RORA: variants seen among roughly 807,000 people sequenced by gnomAD.
RORA encodes the protein RAR related orphan receptor A, also known as nuclear receptor ROR-alpha.
In RORA, 7 loss-of-function variants were observed where a neutral mutation model predicts 69.5. The ratio of observed to expected loss-of-function variants is 0.10; its 90% CI spans 0.06 to 0.19. RORA has a LOEUF of 0.19. Among genes scored for constraint, RORA ranks in the 10% least tolerant of loss-of-function variants. The pLI, the probability that RORA is intolerant of heterozygous loss-of-function variation, is 1.00. For synonymous variants in RORA, 261 were observed against 240.8 expected (o/e 1.08, Z -0.78); for missense variants, 457 against 663.0 (o/e 0.69, Z 3.41).
intron 1 of RORA, among the ~76,000 whole-genome samples, chr15:60,766,755 T>C (rs1180728859): frequency 2.6e-5 from 4 of 152,170 alleles, no homozygotes; most frequent in African/African-American, 9.7e-5. Flanking sequence ...TTCCTGGGCT[T>C]GTGCTATGGC....
At chr15:60,720,465 C>T (rs2071279830) in intron 1 of RORA, among the ~76,000 whole-genome samples, 5 of 152,350 alleles carry the variant, frequency 3.3e-5, no homozygotes, top group Middle Eastern at 3.4e-3. Context: ...CACCTTTTAT[C>T]AAGGGTACAT....
At chr15:60,830,957 G>C (rs1195568621) in intron 1 of RORA, among the ~76,000 whole-genome samples, 3 of 152,194 alleles carry the variant, frequency 2.0e-5, no homozygotes, top group Admixed American at 6.5e-5. Context: ...GTGTGTGTGT[G>C]TATGTGTGTG....
At chr15:61,002,927 C>T (rs1370139125) in intron 1 of RORA, among the ~76,000 whole-genome samples, 9 of 147,226 alleles carry the variant, frequency 6.1e-5, no homozygotes, top group African/African-American at 1.0e-4. Context: ...GTCAGGAGTT[C>T]GAGACCATCT....
intron 1 of RORA, among the ~76,000 whole-genome samples, chr15:61,183,356 G>T (rs2079706620): frequency 6.6e-6 from 1 of 152,156 alleles, no homozygotes; most frequent in Non-Finnish European, 1.5e-5. Context: ...CCAACATGGT[G>T]AAACCCCATC....
chr15:60,706,291 G>C (rs1268563812), intron 1 of RORA: 1 of 152,164 alleles, frequency 6.6e-6, no homozygotes, highest in Admixed American at 6.5e-5. Flanking sequence ...GATTGCTTCA[G>C]TTTCCCATTT....
intron 1 of RORA, among the ~76,000 whole-genome samples, chr15:60,782,182 G>A (rs35699087): frequency 0.11 from 16,739 of 152,048 alleles, 1,343 homozygotes; most frequent in East Asian, 0.41. Flanking sequence ...CTGAGATCGC[G>A]CCACTGCACT....
At chr15:61,111,288 G>T (rs2079004104) in intron 1 of RORA, among the ~76,000 whole-genome samples, 1 of 152,202 alleles carries the variant, frequency 6.6e-6, no homozygotes, top group Admixed American at 6.5e-5. Flanking sequence ...TTTGTCTTCT[G>T]TTGAGACAGA....
chr15:60,853,080 C>A lies in RORA; in HGVS notation c.167-174394G>T, dbSNP rs1194993932. Among the ~76,000 whole-genome samples, 4 of 152,168 alleles carry A rather than the reference C, an allele frequency of 2.6e-5. No individual in the cohort carries two copies. The East Asian group carries it at 7.7e-4, about 29-fold the overall frequency. On this transcript the variant is annotated intron_variant, in intron 1 of 10. Coordinates refer to ENST00000335670, the MANE Select transcript of RORA (RefSeq NM_134261.3). ...CTTTATAACGAGAGCCAGCCAGACA[C>A]AATCTCTCTGCTCAGAGTTCAGGGC...
At chr15:60,884,906 G>C (rs1016897281) in intron 1 of RORA, among the ~76,000 whole-genome samples, 1 of 152,290 alleles carries the variant, frequency 6.6e-6, no homozygotes, top group South Asian at 2.1e-4. Flanking sequence ...AAGGATGATT[G>C]GGAATCCAGG....
chr15:60,691,295 G>C lies in RORA; in HGVS notation c.167-12609C>G, dbSNP rs78340662. 1.6e-3 allele frequency among the ~76,000 whole-genome samples: 244 copies of C among 152,224 alleles called. 3 individuals are homozygous for C. In the East Asian group the frequency reaches 0.04, roughly 25 times the overall value. On this transcript the variant is annotated intron_variant, in intron 1 of 10. Coordinates refer to ENST00000335670, the MANE Select transcript of RORA (RefSeq NM_134261.3). ...TGCTTTACTTTGTATCTTCACAATAGTTCCCTCCTCCTGACATTCTATGAT... is the reference window on the plus strand; with the variant it reads ...TGCTTTACTTTGTATCTTCACAATACTTCCCTCCTCCTGACATTCTATGAT...
intron 1 of RORA, among the ~76,000 whole-genome samples, chr15:60,984,562 G>A (rs1220950747): frequency 1.3e-5 from 2 of 152,030 alleles, no homozygotes; most frequent in Non-Finnish European, 2.9e-5. Flanking sequence ...CACAATATAG[G>A]AGGTAACATA....
chr15:61,149,009 C>T (rs1487543731), intron 1 of RORA, among the ~76,000 whole-genome samples: 1 of 152,188 alleles, frequency 6.6e-6, no homozygotes, highest in Non-Finnish European at 1.5e-5. Flanking sequence ...ACAATGTGCT[C>T]GGTCTTCTTG....
In RORA at chr15:60,905,202, T is replaced by C. The variant is rs181218804; in HGVS notation, c.167-226516A>G. Among the ~76,000 whole-genome samples the C allele has an allele frequency of 6.6e-5, 10 of 152,370 alleles. No individual in the cohort carries two copies. In the East Asian group the frequency reaches 1.5e-3, roughly 23 times the overall value. ...GCAGTCTTAGCCCTGTTATCATCTCTGATCTTGACCATTTCCCTTAGCCAC... is the reference window on the plus strand; with the variant it reads ...GCAGTCTTAGCCCTGTTATCATCTCCGATCTTGACCATTTCCCTTAGCCAC... On this transcript the variant is annotated intron_variant, in intron 1 of 10. Transcript: ENST00000335670. This position sits in a 1 kb window ranked among gnomAD's most constrained non-coding sequence, Gnocchi z 4.8.
At position 60,493,638 on chromosome 15, in the gene RORA, A is replaced by AGTTT. The variant is rs538040342; in HGVS notation, c.*3813_*3816dup. On this transcript the variant is annotated 3_prime_UTR_variant, in exon 11 of 11. Transcript: ENST00000335670. ...AAATTCCATCAAGAAAATAATACAA[A>AGTTT]GTTTGTTTGTTTGTATTTTTTTTTT... 15 of 152,052 alleles carry AGTTT rather than the reference A, an allele frequency of 9.9e-5. No homozygotes were observed. The highest frequency in any genetic ancestry group is 1.3e-4 in the Admixed American group (2 of 15,280). The allele number at this position is 152,052 out of a possible 1,614,324, so 9.4% of individuals were successfully genotyped here. A position where few individuals can be genotyped will look rare whatever the true frequency, so the allele number is the denominator to read the frequency against.
intron 1 of RORA, among the ~76,000 whole-genome samples, chr15:60,836,934 T>C (rs938839990): frequency 1.3e-5 from 2 of 152,196 alleles, no homozygotes; most frequent in South Asian, 2.1e-4. Context: ...CAGCCAGCAA[T>C]GCTTCTACAT....
chr15:60,995,762 C>T (rs2140374342), intron 1 of RORA, among the ~76,000 whole-genome samples: 1 of 152,288 alleles, frequency 6.6e-6, no homozygotes, highest in African/African-American at 2.4e-5. Context: ...TCACTAACAC[C>T]AAATAGTACG....
chr15:60,660,208 T>C (rs1026397354), intron 2 of RORA, among the ~76,000 whole-genome samples: 1 of 152,350 alleles, frequency 6.6e-6, no homozygotes, highest in Admixed American at 6.5e-5. Flanking sequence ...ACAATGTATC[T>C]GGAACACAGA....
At chr15:61,127,843 C>A (rs1393364410) in intron 1 of RORA, among the ~76,000 whole-genome samples, 6 of 152,182 alleles carry the variant, frequency 3.9e-5, no homozygotes, top group Non-Finnish European at 7.3e-5. Flanking sequence ...GGTGCAGTAC[C>A]TGGGCTGGCT....
chr15:61,225,358 G>A (rs965434459), intron 1 of RORA, among the ~76,000 whole-genome samples: 1 of 152,084 alleles, frequency 6.6e-6, no homozygotes, highest in Admixed American at 6.5e-5. Context: ...TCTAGAAAGG[G>A]CGCTAAATTG....
Sources: gnomAD v4.1 joint callset for allele counts (sites outside exome capture counted in the v4.1 genomes callset) on GRCh38, gnomAD v4.1.1 for gene constraint, Gnocchi (gnomAD v3.1) non-coding constraint, MANE v1.5 for transcripts, NCBI Gene and HGNC (gene_info 2026-07-23, HGNC 2026-07-21) for gene names.